SAMD12: variants seen among roughly 807,000 people sequenced by gnomAD.
The protein encoded by SAMD12 is sterile alpha motif domain-containing protein 12.
SAMD12 carries 9 observed loss-of-function variants against 15.0 expected under a neutral mutation model. The observed-to-expected ratio is 0.60, with a 90% CI of 0.36 to 1.05. The LOEUF is 1.05. Among genes scored for constraint, SAMD12 ranks in the 50% least tolerant of loss-of-function variants. SAMD12 has a pLI of 0.01. For synonymous variants in SAMD12, 86 were observed against 90.1 expected, an observed-to-expected ratio of 0.96 and a Z score of 0.25; for missense variants, 230 against 234.2, an observed-to-expected ratio of 0.98 and a Z score of 0.12.
At chr8:118,251,308 C>A (rs1182791219) in intron 4 of SAMD12, among the ~76,000 whole-genome samples, 1 of 152,152 alleles carries the variant, frequency 6.6e-6, no homozygotes, top group African/African-American at 2.4e-5. Context: ...TCAGTCCACA[C>A]ATAACACAGA....
At chr8:118,394,462 A>G (rs551379614) in intron 3 of SAMD12, among the ~76,000 whole-genome samples, 26 of 152,206 alleles carry the variant, frequency 1.7e-4, no homozygotes, top group Non-Finnish European at 3.1e-4. Flanking sequence ...GTATCTTTTC[A>G]TTTATGTATT....
chr8:118,472,164 G>C (rs1343193911), intron 2 of SAMD12, among the ~76,000 whole-genome samples: 1 of 152,078 alleles, frequency 6.6e-6, no homozygotes, highest in African/African-American at 2.4e-5. Context: ...GTGGGTGCCC[G>C]TAGCCCCAGC....
At chr8:118,507,499 A>G (rs527673216) in intron 2 of SAMD12, among the ~76,000 whole-genome samples, 1 of 152,264 alleles carries the variant, frequency 6.6e-6, no homozygotes, top group African/African-American at 2.4e-5. Context: ...TATTTTGTAC[A>G]TGGAAAAAAC....
chr8:118,258,258 T>C (rs956529110), intron 4 of SAMD12, among the ~76,000 whole-genome samples: 1 of 152,142 alleles, frequency 6.6e-6, no homozygotes, highest in African/African-American at 2.4e-5. Context: ...TTTCCCTCCC[T>C]CTGAGACTAT....
chr8:118,215,328 T>C (rs1563698912), intron 4 of SAMD12, among the ~76,000 whole-genome samples: 2 of 152,152 alleles, frequency 1.3e-5, no homozygotes, highest in Non-Finnish European at 2.9e-5. Context: ...CTCCAAAATA[T>C]TTACCATCTG....
At chr8:118,197,434 G>A (rs1819597029) in exon 5 of SAMD12, 1 of 551,614 alleles carries the variant, frequency 1.8e-6, no homozygotes. Flanking sequence ...TATGCACAGT[G>A]ATGAAAACTG....
At chr8:118,523,973 C>A (rs544155343) in intron 2 of SAMD12, among the ~76,000 whole-genome samples, 1 of 152,122 alleles carries the variant, frequency 6.6e-6, no homozygotes, top group Non-Finnish European at 1.5e-5. Context: ...TCACTCTTTC[C>A]GCGTGTCCTC....
intron 1 of SAMD12, among the ~76,000 whole-genome samples, chr8:118,613,324 AT>A (rs1443207957): frequency 1.1e-4 from 17 of 152,332 alleles, no homozygotes; most frequent in African/African-American, 4.1e-4. Context: ...GTGAGTTTCA[AT>A]GGTACTTTAT....
chr8:118,509,393 G>A (rs1825011552), intron 2 of SAMD12, among the ~76,000 whole-genome samples: 1 of 152,190 alleles, frequency 6.6e-6, no homozygotes. Context: ...GGGCGGGCCT[G>A]ACTGGCTGGC....
At chr8:118,375,380 C>T (rs1476946730), downstream of SAMD12, among the ~76,000 whole-genome samples, 2 of 152,060 alleles carry the variant, frequency 1.3e-5, no homozygotes, top group Non-Finnish European at 2.9e-5. Context: ...ATGGTTGCAC[C>T]ACTCTCTTTA....
intron 4 of SAMD12, among the ~76,000 whole-genome samples, chr8:118,364,368 G>C (rs1182126429): frequency 1.3e-5 from 2 of 152,152 alleles, no homozygotes; most frequent in Non-Finnish European, 2.9e-5. Flanking sequence ...TAACCTGCAA[G>C]TTTAGGTGAT....
intron 4 of SAMD12, among the ~76,000 whole-genome samples, chr8:118,238,157 G>C (rs1238152482): frequency 6.6e-6 from 1 of 152,068 alleles, no homozygotes. Context: ...TCTATAAAAT[G>C]GGGGTAGTAA....
chr8:118,358,525 C>T (rs934933353), intron 4 of SAMD12, among the ~76,000 whole-genome samples: 1 of 152,144 alleles, frequency 6.6e-6, no homozygotes, highest in African/African-American at 2.4e-5. Flanking sequence ...CAGATCATTC[C>T]TAACTTCCTA....
chr8:118,366,841 TAA>T lies in SAMD12; in HGVS notation c.433+12717_433+12718del, dbSNP rs869068132. On this transcript the variant is annotated intron_variant, in intron 4 of 4. Transcript: ENST00000409003. ...TAAAATAAAATAAAATAAAATAAAATAAAATAAAATAAAATAAAATAAAATAA... is the reference window on the plus strand; with the variant it reads ...TAAAATAAAATAAAATAAAATAAAATAATAAAATAAAATAAAATAAAATAA... Among the ~76,000 whole-genome samples, 607 of 88,622 alleles carry T rather than the reference TAA, an allele frequency of 6.8e-3. 18 individuals carry two copies. Among genetic ancestry groups the T allele is most frequent in the African/African-American group, 0.013 (268 of 20,048 alleles). 58.1% of individuals were successfully genotyped at this position (88,622 alleles called of 152,430 possible).
the SAMD12 span, among the ~76,000 whole-genome samples, chr8:118,146,358 G>C: frequency 6.6e-6 from 1 of 152,202 alleles, no homozygotes; most frequent in African/African-American, 2.4e-5. Context: ...GAAGTACATG[G>C]GGGTAAAGAA....
chr8:118,621,795 G>C lies in SAMD12; in HGVS notation c.13+9C>G. On this transcript the variant is annotated intron_variant, in intron 1 of 3. Coordinates refer to ENST00000314727, the MANE Select transcript of SAMD12 (RefSeq NM_207506.3). The stretch of plus-strand genomic sequence containing the variant: ...GAGGGAGCTTAAAAATGCCCCAAGC[G>C]TCCCTTACCTTCCACAGCCATTCTC... 6.2e-7 allele frequency: 1 copy of C among 1,613,954 alleles called. No individual in the cohort carries two copies. Among genetic ancestry groups the C allele is most frequent in the East Asian group, 2.2e-5 (1 of 44,848 alleles).
chr8:118,454,073 C>A (rs1036913898), intron 2 of SAMD12, among the ~76,000 whole-genome samples: 1 of 152,124 alleles, frequency 6.6e-6, no homozygotes, highest in Non-Finnish European at 1.5e-5. Flanking sequence ...CCCAATCTTC[C>A]TTTTTTCTTA....
intron 3 of SAMD12, among the ~76,000 whole-genome samples, chr8:118,410,527 T>C (rs1821358529): frequency 6.6e-6 from 1 of 152,220 alleles, no homozygotes; most frequent in African/African-American, 2.4e-5. Flanking sequence ...CCAATCACCA[T>C]CTTCCTGGTA....
chr8:118,484,512 A>T (rs926641533), intron 2 of SAMD12, among the ~76,000 whole-genome samples: 4 of 152,184 alleles, frequency 2.6e-5, no homozygotes, highest in Non-Finnish European at 5.9e-5. Context: ...GATTGTGGTG[A>T]TGGTTTCATA....
Sources: allele counts gnomAD v4.1 joint callset (sites outside exome capture counted in the v4.1 genomes callset), GRCh38; gene constraint gnomAD v4.1.1; transcripts MANE v1.5; gene names NCBI Gene and HGNC (gene_info 2026-07-23, HGNC 2026-07-21).